The following NDUFA10 variants were observed in gnomAD, a reference collection of about 807,000 sequenced individuals.
NDUFA10 encodes NADH dehydrogenase [ubiquinone] 1 alpha subcomplex subunit 10, mitochondrial.
A neutral mutation model predicts 47.8 loss-of-function variants in NDUFA10; 40 were observed. The observed-to-expected ratio is 0.84, with a 90% CI of 0.65 to 1.09. The LOEUF is 1.09. Among genes scored for constraint, NDUFA10 ranks in the 50% least tolerant of loss-of-function variants. NDUFA10 has a pLI of 0.00. For missense variants in NDUFA10, 413 were observed against 451.1 expected, an observed-to-expected ratio of 0.92 and a Z score of 0.76; for synonymous variants, 183 against 172.2, an observed-to-expected ratio of 1.06 and a Z score of -0.49.
intron 7 of NDUFA10, among the ~76,000 whole-genome samples, 175 bp downstream of exon 7, chr2:240,007,141 C>T (rs950759911): frequency 1.3e-5 from 2 of 152,154 alleles, no homozygotes; most frequent in African/African-American, 4.8e-5. Flanking sequence ...GAAAGAAACT[C>T]GAAACCTCAT....
chr2:239,920,365 C>T (rs1251893118), intron 4 of NDUFA10, among the ~76,000 whole-genome samples: 1 of 152,184 alleles, frequency 6.6e-6, no homozygotes, highest in Non-Finnish European at 1.5e-5. Context: ...GATAAGGTCC[C>T]CTTGCCATGG....
At chr2:239,964,400 C>A (rs1694979038) in intron 9 of NDUFA10, among the ~76,000 whole-genome samples, 4 of 152,188 alleles carry the variant, frequency 2.6e-5, no homozygotes, top group Admixed American at 2.6e-4. Flanking sequence ...CCGGAAGGAG[C>A]CAGCCCCGCC....
At chr2:239,965,862 T>C (rs1255039622) in intron 9 of NDUFA10, among the ~76,000 whole-genome samples, 1 of 152,218 alleles carries the variant, frequency 6.6e-6, no homozygotes, top group Non-Finnish European at 1.5e-5. Flanking sequence ...CCCTCTACTG[T>C]ACAATGCGAA....
chr2:240,016,463 A>G lies in NDUFA10; in HGVS notation c.548-1603T>C, dbSNP rs4149542. Among the ~76,000 whole-genome samples, 23,658 of 151,014 alleles carry G rather than the reference A, an allele frequency of 0.16. 1,953 individuals carry two copies. The highest frequency in any genetic ancestry group is 0.21 in the African/African-American group (8,560 of 41,252). On this transcript the variant is annotated intron_variant, in intron 4 of 9. Coordinates refer to ENST00000252711, the MANE Select transcript of NDUFA10 (RefSeq NM_004544.4). The surrounding 1 kb of genome is among the most constrained non-coding windows in gnomAD (Gnocchi z 4.4). ...CTATGCCACCTGTCCTTTAGCCAAC[A>G]TGATCTGCTTTCCCCCAGCCCAGCA...
At chr2:239,955,257 A>G (rs1694631047), downstream of NDUFA10, among the ~76,000 whole-genome samples, 1 of 152,150 alleles carries the variant, frequency 6.6e-6, no homozygotes, top group African/African-American at 2.4e-5. Flanking sequence ...TATTCTCTCC[A>G]CAAAACATGA....
At chr2:239,913,334 T>C (rs778694139) in intron 4 of NDUFA10, among the ~76,000 whole-genome samples, 2 of 152,228 alleles carry the variant, frequency 1.3e-5, no homozygotes, top group African/African-American at 2.4e-5. Flanking sequence ...GGCGCACCAC[T>C]TCCATCTTGT....
rs1490548877 is a variant in NDUFA10 at position 240,019,745 on chromosome 2, G to A, written c.461-1106C>T. On this transcript the variant is annotated intron_variant, in intron 3 of 9. Transcript: ENST00000252711. ...GAGGCAGGAGAATGGCATGAACCCG[G>A]GAGGCGGAGCTTGCAGTGAGCCGAG... Among the ~76,000 whole-genome samples the A allele has an allele frequency of 2.9e-4, 10 of 34,762 alleles. 1 individual carries two copies. In the South Asian group the frequency reaches 5.2e-3, roughly 18 times the overall value. The allele number at this position is 34,762 out of a possible 152,430, so 22.8% of individuals were successfully genotyped here.
chr2:239,988,666 C>T (rs1393549931), intron 9 of NDUFA10, among the ~76,000 whole-genome samples: 3 of 152,202 alleles, frequency 2.0e-5, no homozygotes, highest in Non-Finnish European at 4.4e-5. Flanking sequence ...GCAACAGGAC[C>T]TGGCCACTCA....
rs79947328 is a variant in NDUFA10, at chr2:240,003,452, G to A, written c.890+1758C>T. ...GAGAGGCAAAGTGTTGGTGCAGTCTGCACAGAGCATCCTGGGTAGAGGCAG... is the reference window on the plus strand; with the variant it reads ...GAGAGGCAAAGTGTTGGTGCAGTCTACACAGAGCATCCTGGGTAGAGGCAG... On this transcript the variant is annotated intron_variant, in intron 8 of 9. Coordinates refer to ENST00000252711, the MANE Select transcript of NDUFA10 (RefSeq NM_004544.4). Among the ~76,000 whole-genome samples the A allele has an allele frequency of 7.5e-3, 1,141 of 152,314 alleles. 21 individuals carry two copies. Among genetic ancestry groups the A allele is most frequent in the African/African-American group, 0.026 (1,070 of 41,562 alleles).
chr2:239,974,834 G>A (rs1335675689), intron 9 of NDUFA10, among the ~76,000 whole-genome samples: 1 of 147,576 alleles, frequency 6.8e-6, no homozygotes, highest in East Asian at 2.0e-4. Context: ...TTAAAAATAT[G>A]TGACACTCTG....
intron 8 of NDUFA10, among the ~76,000 whole-genome samples, chr2:239,999,149 C>T (rs1484208490): frequency 3.9e-5 from 6 of 152,224 alleles, no homozygotes; most frequent in Non-Finnish European, 8.8e-5. Context: ...TCTCCCTCTA[C>T]TTTATATGAA....
chr2:239,992,150 C>G lies in NDUFA10; in HGVS notation c.891-1968G>C, dbSNP rs115523038. ...AAAGATACAAGGAATCATTTTATGA[C>G]TCAGGAAGCAAAAGGCAGTGAAAGA... On this transcript the variant is annotated intron_variant, in intron 8 of 9. Coordinates refer to ENST00000252711, the MANE Select transcript of NDUFA10 (RefSeq NM_004544.4). Among the ~76,000 whole-genome samples the G allele has an allele frequency of 6.8e-3, 1,034 of 152,196 alleles. 9 individuals are homozygous for G. The highest frequency in any genetic ancestry group is 0.023 in the African/African-American group (965 of 41,510).
chr2:239,975,321 C>T (rs1311648200), intron 9 of NDUFA10, among the ~76,000 whole-genome samples: 1 of 152,164 alleles, frequency 6.6e-6, no homozygotes, highest in African/African-American at 2.4e-5. Context: ...CCAATAAAAC[C>T]CTCTTAAATA....
intron 9 of NDUFA10, chr2:239,969,734 A>G (rs569391490): frequency 4.2e-6 from 2 of 471,454 alleles, no homozygotes; most frequent in South Asian, 3.1e-5. Flanking sequence ...TTCGACATCT[A>G]ATCTCTTGGC....
At chr2:239,922,387 G>T (rs547900568) in intron 4 of NDUFA10, among the ~76,000 whole-genome samples, 10 of 152,306 alleles carry the variant, frequency 6.6e-5, no homozygotes, top group African/African-American at 2.4e-4. Flanking sequence ...GCAGTGAGCT[G>T]CAGGCCAAGG....
At chr2:239,955,093 A>G (rs1047699938), downstream of NDUFA10, among the ~76,000 whole-genome samples, 1 of 152,222 alleles carries the variant, frequency 6.6e-6, no homozygotes. Context: ...TGTTCTTCTC[A>G]AATTTTATTT....
downstream of NDUFA10, among the ~76,000 whole-genome samples, chr2:239,952,962 A>T (rs1318500078): frequency 6.6e-6 from 1 of 152,216 alleles, no homozygotes; most frequent in Non-Finnish European, 1.5e-5. Flanking sequence ...GGTAAGAAGA[A>T]GCTGAAGGGC....
chr2:239,941,526 G>C (rs1403399683), intron 4 of NDUFA10, among the ~76,000 whole-genome samples: 1 of 152,086 alleles, frequency 6.6e-6, no homozygotes, highest in African/African-American at 2.4e-5. Context: ...GGGAGTTGGA[G>C]ACCAGACTGG....
intron 9 of NDUFA10, among the ~76,000 whole-genome samples, chr2:239,972,753 T>C (rs1695353092): frequency 6.6e-6 from 1 of 152,250 alleles, no homozygotes; most frequent in Admixed American, 6.5e-5. Context: ...GCAATGAGTA[T>C]TAACAATAGT....
Sources: gnomAD v4.1 joint callset for allele counts (sites outside exome capture counted in the v4.1 genomes callset) on GRCh38, gnomAD v4.1.1 for gene constraint, Gnocchi (gnomAD v3.1) non-coding constraint, MANE v1.5 for transcripts, NCBI Gene and HGNC (gene_info 2026-07-23, HGNC 2026-07-21) for gene names.